The following ADAMTS6 variants were observed in gnomAD, a reference collection of about 807,000 sequenced individuals.
ADAMTS6 encodes ADAM metallopeptidase with thrombospondin type 1 motif 6, also known as A disintegrin and metalloproteinase with thrombospondin motifs 6.
In ADAMTS6, 23 loss-of-function variants were observed where a neutral mutation model predicts 144.3. The ratio of observed to expected loss-of-function variants is 0.16; its 90% CI spans 0.11 to 0.23. ADAMTS6 has a LOEUF of 0.23. Ranked by LOEUF, ADAMTS6 falls within the 10% of genes least tolerant of loss-of-function variation. The pLI is 1.00. For synonymous variants in ADAMTS6, 444 were observed against 457.5 expected, an observed-to-expected ratio of 0.97 and a Z score of 0.38; for missense variants, 999 against 1,379.6, an observed-to-expected ratio of 0.72 and a Z score of 4.37.
Position 65,242,105 on chromosome 5 carries a change from T to G in ADAMTS6, c.1932A>C (p.Gly644=). 6.3e-7 allele frequency: 1 copy of G among 1,576,428 alleles called. No individual in the cohort carries two copies. The highest frequency in any genetic ancestry group is 1.3e-5 in the African/African-American group (1 of 74,196). ...GKYYNWKPYT[G]GGVKPCALNC... ...ATGCTCTGTCAGGTTATACATTACC[T>G]CCAGTATAGGGTTTCCAGTTATAAT... The change falls in exon 15 of 25, where the codon GGA becomes GGC. Residue 644 remains glycine (G), a splice_region_variant and synonymous_variant. Coordinates refer to ENST00000381055, the MANE Select transcript of ADAMTS6 (RefSeq NM_197941.4).
chr5:65,355,356 C>T (rs1270685665), intron 7 of ADAMTS6, among the ~76,000 whole-genome samples: 1 of 151,818 alleles, frequency 6.6e-6, no homozygotes, highest in African/African-American at 2.4e-5. Context: ...AATTTATCTT[C>T]ACCTGAGGTT....
chr5:65,351,945 C>T (rs954098841), intron 7 of ADAMTS6, among the ~76,000 whole-genome samples: 2 of 152,216 alleles, frequency 1.3e-5, no homozygotes, highest in Non-Finnish European at 2.9e-5. Context: ...TAATATCTAT[C>T]AAGTCACCCA....
intron 7 of ADAMTS6, among the ~76,000 whole-genome samples, chr5:65,373,895 A>T (rs1239166580): frequency 6.6e-6 from 1 of 152,178 alleles, no homozygotes; most frequent in East Asian, 1.9e-4. Context: ...CAGCACATCA[A>T]AAAGCTTATC....
chr5:65,317,279 T>G (rs193064043), intron 9 of ADAMTS6, among the ~76,000 whole-genome samples: 2 of 152,210 alleles, frequency 1.3e-5, no homozygotes, highest in East Asian at 3.9e-4. Context: ...TACCAAACAC[T>G]TGAAAAACAT....
intron 9 of ADAMTS6, among the ~76,000 whole-genome samples, chr5:65,321,716 T>A: frequency 7.5e-6 from 1 of 133,764 alleles, no homozygotes; most frequent in East Asian, 2.2e-4. Flanking sequence ...TCCTTTTTTT[T>A]TTTTTTTTTT....
intron 11 of ADAMTS6, among the ~76,000 whole-genome samples, chr5:65,286,463 C>T (rs1428903129): frequency 1.3e-5 from 2 of 152,252 alleles, no homozygotes; most frequent in South Asian, 2.1e-4. Context: ...ATGTACAACA[C>T]ACTATTATGC....
At chr5:65,462,819 T>C (rs150261157) in intron 3 of ADAMTS6, among the ~76,000 whole-genome samples, 1 of 152,240 alleles carries the variant, frequency 6.6e-6, no homozygotes, top group Admixed American at 6.5e-5. Context: ...TGGTGGGTCA[T>C]ACCTGTAATC....
intron 16 of ADAMTS6, among the ~76,000 whole-genome samples, chr5:65,225,462 TA>T (rs1263590223): frequency 6.6e-6 from 1 of 152,154 alleles, no homozygotes; most frequent in Non-Finnish European, 1.5e-5. Context: ...ACCAGACAAG[TA>T]AAAAAATTTA....
At chr5:65,407,029 A>G (rs1013580279) in intron 7 of ADAMTS6, among the ~76,000 whole-genome samples, 1 of 152,158 alleles carries the variant, frequency 6.6e-6, no homozygotes, top group South Asian at 2.1e-4. Flanking sequence ...TGAAAGTGAC[A>G]GGGAGAATGG....
At chr5:65,396,285 A>G (rs578063915) in intron 7 of ADAMTS6, among the ~76,000 whole-genome samples, 1 of 152,290 alleles carries the variant, frequency 6.6e-6, no homozygotes, top group South Asian at 2.1e-4. Flanking sequence ...CATGCATACA[A>G]CCCTTTTAAT....
chr5:65,178,995 G>A (rs965597642), intron 22 of ADAMTS6, among the ~76,000 whole-genome samples: 4 of 151,882 alleles, frequency 2.6e-5, no homozygotes, highest in East Asian at 1.9e-4. Flanking sequence ...TGAGCTGTAC[G>A]TGGACGGGAG....
intron 7 of ADAMTS6, among the ~76,000 whole-genome samples, chr5:65,423,674 C>A (rs1756261762): frequency 6.6e-6 from 1 of 151,670 alleles, no homozygotes; most frequent in African/African-American, 2.4e-5. Flanking sequence ...CAAATTCATA[C>A]TAGGATGAAA....
chr5:65,452,721 T>C lies in ADAMTS6; in HGVS notation c.829A>G (p.Ser277Gly). 1 of 1,614,030 alleles carries C rather than the reference T, an allele frequency of 6.2e-7. No individual in the cohort carries two copies. The highest frequency in any genetic ancestry group is 2.2e-5 in the East Asian group (1 of 44,872). The change falls in exon 5 of 25, where the codon AGT becomes GGT. Residue 277 changes from serine (S) to glycine (G), a missense_variant. Transcript: ENST00000381055. Reference sequence around the variant, plus strand: ...ATCAAACTTACAATATTCATCACACTCAAAATGTAATGTTCAATGTCTTTG... The same window carrying C: ...ATCAAACTTACAATATTCATCACACCCAAAATGTAATGTTCAATGTCTTTG... ...GRKDIEHYIL[S>G]VMNIVAKLYR...
intron 7 of ADAMTS6, among the ~76,000 whole-genome samples, chr5:65,401,727 CTGTT>C (rs1287886040): frequency 1.3e-5 from 2 of 152,164 alleles, no homozygotes; most frequent in African/African-American, 2.4e-5. Flanking sequence ...TTGGGAGACA[CTGTT>C]TGTCCTGTGA....
intron 7 of ADAMTS6, among the ~76,000 whole-genome samples, chr5:65,398,778 GAGCA>G (rs1336664190): frequency 4.5e-4 from 20 of 44,052 alleles, no homozygotes; most frequent in East Asian, 2.9e-3. Context: ...AAAGAAGAGA[GAGCA>G]AGAAAGAAAG....
intron 3 of ADAMTS6, among the ~76,000 whole-genome samples, chr5:65,467,418 A>G (rs1354626636): frequency 4.6e-5 from 7 of 152,154 alleles, no homozygotes; most frequent in Admixed American, 6.5e-5. Context: ...CAGGAAGGAT[A>G]AAAGGAACAT....
chr5:65,324,579 G>GTT (rs1193712039), intron 9 of ADAMTS6, among the ~76,000 whole-genome samples: 60 of 119,168 alleles, frequency 5.0e-4, no homozygotes, highest in African/African-American at 1.9e-3. Flanking sequence ...TATGCTACAT[G>GTT]TTATATATAT....
chr5:65,246,765 G>A (rs952491833), intron 14 of ADAMTS6, among the ~76,000 whole-genome samples: 1 of 152,102 alleles, frequency 6.6e-6, no homozygotes, highest in African/African-American at 2.4e-5. Flanking sequence ...TTGATTCCAC[G>A]CCATTGTTTC....
chr5:65,184,976 G>C (rs1754582539), intron 22 of ADAMTS6, among the ~76,000 whole-genome samples: 1 of 152,188 alleles, frequency 6.6e-6, no homozygotes, highest in East Asian at 1.9e-4. Flanking sequence ...GTGATTAGCA[G>C]AGCTCAGACA....
Sources: allele counts gnomAD v4.1 joint callset (sites outside exome capture counted in the v4.1 genomes callset), GRCh38; gene constraint gnomAD v4.1.1; transcripts MANE v1.5; gene names NCBI Gene and HGNC (gene_info 2026-07-23, HGNC 2026-07-21).